The following EXTL3 variants were observed in gnomAD, a reference collection of about 807,000 sequenced individuals.
The protein encoded by EXTL3 is exostosin like glycosyltransferase 3, also known as exostosin-like 3.
In EXTL3, 27 loss-of-function variants were observed where a neutral mutation model predicts 69.3. The ratio of observed to expected loss-of-function variants is 0.39; its 90% CI spans 0.29 to 0.54. The LOEUF is 0.54. Ranked by LOEUF, EXTL3 falls within the 20% of genes least tolerant of loss-of-function variation. EXTL3 has a pLI of 0.69. For synonymous variants in EXTL3, 511 were observed against 499.4 expected (o/e 1.02, Z -0.31); for missense variants, 1,003 against 1,231.8 (o/e 0.81, Z 2.78).
chr8:28,691,571 G>GTTTTTTTTTTTTTTTTTTTTTTT (rs1800612428), intron 1 of EXTL3, among the ~76,000 whole-genome samples: 3 of 65,998 alleles, frequency 4.5e-5, no homozygotes, highest in African/African-American at 2.5e-4. Flanking sequence ...CAGTTTTTGT[G>GTTTTTTTTTTTTTTTTTTTTTTT]ATTTTTTTTT....
chr8:28,736,103 C>T (rs1272676679), intron 4 of EXTL3, among the ~76,000 whole-genome samples: 6 of 152,140 alleles, frequency 3.9e-5, no homozygotes, highest in African/African-American at 1.4e-4. Flanking sequence ...CTGTGAATGT[C>T]CGTAATGCCA....
intron 1 of EXTL3, among the ~76,000 whole-genome samples, chr8:28,691,866 C>T (rs977572560): frequency 6.6e-6 from 1 of 151,992 alleles, no homozygotes; most frequent in Non-Finnish European, 1.5e-5. Context: ...TGTTGCACTC[C>T]AGCCTGGGGG....
chr8:28,702,423 G>A (rs1304205107), intron 1 of EXTL3, among the ~76,000 whole-genome samples: 1 of 152,226 alleles, frequency 6.6e-6, no homozygotes, highest in East Asian at 1.9e-4. Context: ...GAGCCCCTCG[G>A]AGGCGAGCCA....
intron 1 of EXTL3, among the ~76,000 whole-genome samples, chr8:28,650,073 A>G (rs1250316606): frequency 6.6e-6 from 1 of 151,558 alleles, no homozygotes; most frequent in Admixed American, 6.6e-5. Context: ...GCGCACACCT[A>G]TAATCCCAGC....
intron 1 of EXTL3, among the ~76,000 whole-genome samples, chr8:28,671,403 C>T (rs987409473): frequency 1.3e-5 from 2 of 151,010 alleles, no homozygotes; most frequent in African/African-American, 4.9e-5. Flanking sequence ...CCTCCGCAAC[C>T]TCTCAAGATT....
intron 1 of EXTL3, among the ~76,000 whole-genome samples, chr8:28,634,210 T>G (rs1806617023): frequency 6.6e-6 from 1 of 152,214 alleles, no homozygotes. Context: ...AAATTCTCTT[T>G]TAAAATTCTC....
chr8:28,614,015 G>C (rs989304921), intron 2 of EXTL3, among the ~76,000 whole-genome samples: 1 of 151,654 alleles, frequency 6.6e-6, no homozygotes, highest in African/African-American at 2.4e-5. Context: ...TGTAGAGATG[G>C]GGTCTCATGA....
chr8:28,608,424 C>T (rs1806230750), intron 2 of EXTL3, among the ~76,000 whole-genome samples: 1 of 152,110 alleles, frequency 6.6e-6, no homozygotes. Context: ...GGTTGGAATT[C>T]AGTCTTTGAT....
intron 1 of EXTL3, among the ~76,000 whole-genome samples, chr8:28,657,898 G>A (rs1194283059): frequency 6.6e-6 from 1 of 152,180 alleles, no homozygotes; most frequent in East Asian, 1.9e-4. Context: ...CCTTAATAGA[G>A]GTTTACTTAA....
intron 3 of EXTL3, among the ~76,000 whole-genome samples, chr8:28,729,318 T>C (rs1485690224): frequency 8.4e-6 from 1 of 118,638 alleles, no homozygotes; most frequent in East Asian, 2.6e-4. Flanking sequence ...AAAAAATGTC[T>C]GGGTGCAGTG....
At chr8:28,689,478 T>C (rs1800578287) in intron 1 of EXTL3, among the ~76,000 whole-genome samples, 2 of 152,226 alleles carry the variant, frequency 1.3e-5, no homozygotes, top group Admixed American at 1.3e-4. Flanking sequence ...TTCAGAGTTT[T>C]ATTCTAAGTC....
intron 1 of EXTL3, among the ~76,000 whole-genome samples, chr8:28,661,351 A>G (rs1445666438): frequency 6.7e-6 from 1 of 149,776 alleles, no homozygotes; most frequent in East Asian, 1.9e-4. Flanking sequence ...TTTTATATAT[A>G]TATATACACA....
At chr8:28,685,298 A>T (rs368392178) in intron 1 of EXTL3, among the ~76,000 whole-genome samples, 7 of 151,848 alleles carry the variant, frequency 4.6e-5, no homozygotes, top group African/African-American at 1.7e-4. Context: ...TTAACATCCA[A>T]TCCAGGATCA....
intron 1 of EXTL3, among the ~76,000 whole-genome samples, chr8:28,671,709 G>A (rs547147803): frequency 5.5e-4 from 83 of 152,128 alleles, no homozygotes; most frequent in Non-Finnish European, 1.1e-3. Flanking sequence ...CCATGTTAAT[G>A]CATCAGTCAC....
intron 3 of EXTL3, among the ~76,000 whole-genome samples, chr8:28,722,642 A>C (rs1183865667): frequency 6.6e-6 from 1 of 151,860 alleles, no homozygotes; most frequent in Admixed American, 6.6e-5. Flanking sequence ...GCCAGGCATC[A>C]TGCATGTCTG....
intron 2 of EXTL3, among the ~76,000 whole-genome samples, chr8:28,612,678 A>G (rs1806286841): frequency 6.6e-6 from 1 of 151,984 alleles, no homozygotes; most frequent in Non-Finnish European, 1.5e-5. Flanking sequence ...CTGTGATCAT[A>G]TGAGTTTCCT....
intron 1 of EXTL3, among the ~76,000 whole-genome samples, chr8:28,689,381 C>A (rs1166407928): frequency 1.3e-5 from 2 of 152,204 alleles, no homozygotes; most frequent in African/African-American, 4.8e-5. Flanking sequence ...TGAGCCCCAT[C>A]TCTTCTTATC....
At chr8:28,648,046 G>A (rs1279118334) in intron 1 of EXTL3, among the ~76,000 whole-genome samples, 2 of 152,044 alleles carry the variant, frequency 1.3e-5, no homozygotes, top group African/African-American at 2.4e-5. Flanking sequence ...AAGAGTTGAC[G>A]CCTCCTGTAC....
intron 3 of EXTL3, 102 bp downstream of exon 3, chr8:28,718,309 A>AG: frequency 8.8e-7 from 1 of 1,142,422 alleles, no homozygotes; most frequent in Admixed American, 1.9e-5. Flanking sequence ...CTTCTAGCAG[A>AG]GGAGAATACA....
Sources: gnomAD v4.1 joint callset for allele counts (sites outside exome capture counted in the v4.1 genomes callset) on GRCh38, gnomAD v4.1.1 for gene constraint, MANE v1.5 for transcripts, NCBI Gene and HGNC (gene_info 2026-07-23, HGNC 2026-07-21) for gene names.